SORCS3: variants seen among roughly 807,000 people sequenced by gnomAD.
SORCS3 encodes the protein VPS10 domain-containing receptor SorCS3.
In SORCS3, 57 loss-of-function variants were observed where a neutral mutation model predicts 146.3. That is an observed-to-expected ratio of 0.39 (90% CI 0.31 to 0.49). The LOEUF (loss-of-function observed/expected upper bound fraction) is 0.49. Ranked by LOEUF, SORCS3 falls within the 20% of genes least tolerant of loss-of-function variation. SORCS3 has a pLI of 0.92. For missense variants in SORCS3, 1,341 were observed against 1,575.5 expected, an observed-to-expected ratio of 0.85 and a Z score of 2.52; for synonymous variants, 653 against 618.5, an observed-to-expected ratio of 1.06 and a Z score of -0.83.
At chr10:105,076,820 T>C (rs1177983589) in intron 5 of SORCS3, among the ~76,000 whole-genome samples, 1 of 152,198 alleles carries the variant, frequency 6.6e-6, no homozygotes, top group Non-Finnish European at 1.5e-5. Flanking sequence ...AGCGACTGTT[T>C]GTCCTATTCC....
chr10:105,262,534 C>T (rs568862256), intron 26 of SORCS3, 43 bp downstream of exon 26: 1 of 1,578,786 alleles, frequency 6.3e-7, no homozygotes. Context: ...TCTGTGTCCT[C>T]TAAACACTGG....
intron 11 of SORCS3, among the ~76,000 whole-genome samples, chr10:105,162,470 C>T (rs536948218): frequency 1.9e-4 from 29 of 152,294 alleles, no homozygotes; most frequent in African/African-American, 6.5e-4. Context: ...ACCATAACTC[C>T]GGCTCTTCCT....
intron 1 of SORCS3, among the ~76,000 whole-genome samples, chr10:104,727,391 T>A (rs1564669244): frequency 6.6e-6 from 1 of 152,142 alleles, no homozygotes; most frequent in Non-Finnish European, 1.5e-5. Context: ...TAACTACTAT[T>A]AATATCTTTG....
chr10:105,076,511 G>C (rs1306053871), intron 5 of SORCS3, among the ~76,000 whole-genome samples: 1 of 152,066 alleles, frequency 6.6e-6, no homozygotes, highest in African/African-American at 2.4e-5. Context: ...ATCCACCCTG[G>C]CCTCCTGACC....
chr10:104,663,787 C>T (rs1367204996), intron 1 of SORCS3, among the ~76,000 whole-genome samples: 1 of 152,162 alleles, frequency 6.6e-6, no homozygotes, highest in Non-Finnish European at 1.5e-5. Context: ...GCTGAATGAA[C>T]CAGGAGCTTT....
At chr10:105,036,264 G>A (rs2055305421) in intron 4 of SORCS3, among the ~76,000 whole-genome samples, 1 of 151,952 alleles carries the variant, frequency 6.6e-6, no homozygotes, top group Non-Finnish European at 1.5e-5. Flanking sequence ...GCCCAACCCA[G>A]CAGAACTGAT....
chr10:104,735,456 G>GTTTTTTTTTTTT (rs56203751), intron 1 of SORCS3, among the ~76,000 whole-genome samples: 675 of 34,862 alleles, frequency 0.019, 136 homozygotes, highest in African/African-American at 0.027. Flanking sequence ...CTCACCGTCT[G>GTTTTTTTTTTTT]TTTTTTTTTT....
intron 18 of SORCS3, among the ~76,000 whole-genome samples, chr10:105,216,496 A>C (rs2056665890): frequency 6.6e-6 from 1 of 152,120 alleles, no homozygotes; most frequent in Admixed American, 6.5e-5. Flanking sequence ...ATGGGGACAA[A>C]AATACTTTCT....
At chr10:104,753,202 C>A (rs1434108400) in intron 1 of SORCS3, among the ~76,000 whole-genome samples, 1 of 152,160 alleles carries the variant, frequency 6.6e-6, no homozygotes, top group Non-Finnish European at 1.5e-5. Context: ...TTACTTGGGT[C>A]TTCCCCACAG....
At chr10:105,163,552 G>A (rs1475082386) in intron 11 of SORCS3, among the ~76,000 whole-genome samples, 2 of 152,100 alleles carry the variant, frequency 1.3e-5, no homozygotes, top group East Asian at 1.9e-4. Context: ...TTGGGAAAAC[G>A]AAATCAATAT....
chr10:105,248,542 T>C (rs1464093929), intron 22 of SORCS3, among the ~76,000 whole-genome samples: 1 of 151,974 alleles, frequency 6.6e-6, no homozygotes, highest in African/African-American at 2.4e-5. Flanking sequence ...GGTGAAACCC[T>C]GTCTCTACTA....
At chr10:105,154,089 G>A (rs369976450) in intron 9 of SORCS3, among the ~76,000 whole-genome samples, 1,260 of 81,056 alleles carry the variant, frequency 0.016, 1 homozygote, top group Middle Eastern at 0.032. Flanking sequence ...AAAAAAAAAA[G>A]AAACTTCCCA....
intron 3 of SORCS3, among the ~76,000 whole-genome samples, chr10:104,931,423 G>C: frequency 6.6e-6 from 1 of 152,160 alleles, no homozygotes; most frequent in East Asian, 1.9e-4. Context: ...GCCAGGTCAG[G>C]CTTTCAAATC....
At chr10:104,871,134 G>A (rs996375426) in intron 2 of SORCS3, among the ~76,000 whole-genome samples, 2 of 152,170 alleles carry the variant, frequency 1.3e-5, no homozygotes, top group Admixed American at 1.3e-4. Context: ...ATGACAGTGT[G>A]TCATACACTA....
intron 1 of SORCS3, among the ~76,000 whole-genome samples, chr10:104,656,353 T>C (rs1333779979): frequency 5.9e-5 from 9 of 152,112 alleles, no homozygotes; most frequent in Admixed American, 1.3e-4. Flanking sequence ...GGTTTAGTTC[T>C]TTATCCCAAC....
At chr10:104,738,670 C>G (rs971110454) in intron 1 of SORCS3, among the ~76,000 whole-genome samples, 3 of 152,094 alleles carry the variant, frequency 2.0e-5, no homozygotes, top group African/African-American at 7.2e-5. Context: ...ACACGTGTGA[C>G]TGTATATAGA....
chr10:105,025,783 T>C (rs921979877), intron 4 of SORCS3, among the ~76,000 whole-genome samples: 2 of 151,548 alleles, frequency 1.3e-5, no homozygotes, highest in African/African-American at 4.9e-5. Flanking sequence ...AGACAATTTA[T>C]AAGTATTGGG....
chr10:104,906,006 A>G (rs1351732909), intron 2 of SORCS3, among the ~76,000 whole-genome samples: 1 of 152,172 alleles, frequency 6.6e-6, no homozygotes, highest in East Asian at 1.9e-4. Context: ...AGGTGGTCTG[A>G]AGGCTCTCTA....
intron 1 of SORCS3, among the ~76,000 whole-genome samples, chr10:104,669,420 C>T (rs985844818): frequency 6.6e-6 from 1 of 152,174 alleles, no homozygotes; most frequent in African/African-American, 2.4e-5. Context: ...ACTTCCAGCC[C>T]TGACAACCAT....
Sources: gnomAD v4.1 joint callset for allele counts (sites outside exome capture counted in the v4.1 genomes callset) on GRCh38, gnomAD v4.1.1 for gene constraint, MANE v1.5 for transcripts, NCBI Gene and HGNC (gene_info 2026-07-23, HGNC 2026-07-21) for gene names.